Variants in NRG3 observed in about 807,000 individuals in gnomAD.
NRG3 encodes neuregulin 3, also known as pro-neuregulin-3, membrane-bound isoform.
Under a neutral mutation model 66.9 loss-of-function variants are expected in NRG3, and 31 were observed. The observed-to-expected ratio is 0.46, with a 90% CI of 0.35 to 0.63. The LOEUF (loss-of-function observed/expected upper bound fraction) is 0.63. NRG3 is among the 20% of genes least tolerant of loss of function. The pLI, the probability that NRG3 is intolerant of heterozygous loss-of-function variation, is 0.00. For synonymous variants in NRG3, 393 were observed against 359.4 expected, an observed-to-expected ratio of 1.09 and a Z score of -1.06; for missense variants, 910 against 878.9, an observed-to-expected ratio of 1.04 and a Z score of -0.45.
chr10:82,180,256 T>C (rs1486314602), intron 1 of NRG3, among the ~76,000 whole-genome samples: 1 of 151,880 alleles, frequency 6.6e-6, no homozygotes, highest in African/African-American at 2.4e-5. Flanking sequence ...GTTAAATTGC[T>C]CACACTAGAA....
intron 2 of NRG3, among the ~76,000 whole-genome samples, chr10:82,424,235 A>C (rs1325179207): frequency 1.3e-5 from 2 of 152,024 alleles, no homozygotes; most frequent in Non-Finnish European, 2.9e-5. Context: ...TCTGTTTTGC[A>C]AAGTGGCTCT....
chr10:82,614,447 T>C (rs906419633), intron 2 of NRG3, among the ~76,000 whole-genome samples: 9 of 152,216 alleles, frequency 5.9e-5, no homozygotes, highest in Admixed American at 3.3e-4. Context: ...AAAATGTTAA[T>C]ACATTGATTT....
intron 1 of NRG3, among the ~76,000 whole-genome samples, chr10:82,120,048 A>AATG (rs2067984986): frequency 6.6e-6 from 1 of 152,130 alleles, no homozygotes; most frequent in South Asian, 2.1e-4. Flanking sequence ...TTTTAATGTA[A>AATG]ATGAACGTAT....
At chr10:82,432,268 C>T (rs932938601) in intron 2 of NRG3, among the ~76,000 whole-genome samples, 5 of 152,016 alleles carry the variant, frequency 3.3e-5, no homozygotes, top group African/African-American at 4.8e-5. Flanking sequence ...TCATTCTTTC[C>T]TCCTCTCAAA....
intron 2 of NRG3, among the ~76,000 whole-genome samples, chr10:82,398,491 A>G (rs1017670566): frequency 4.3e-5 from 6 of 139,084 alleles, no homozygotes; most frequent in Non-Finnish European, 8.0e-5. Flanking sequence ...GGCTTCGTGT[A>G]TGTGTGTGTG....
chr10:82,680,486 A>C (rs1469014701), intron 2 of NRG3, among the ~76,000 whole-genome samples: 1 of 152,228 alleles, frequency 6.6e-6, no homozygotes, highest in Admixed American at 6.5e-5. Context: ...ACATGGACAC[A>C]TGCTTCTTCT....
At chr10:82,650,968 T>G (rs2133888291) in intron 2 of NRG3, among the ~76,000 whole-genome samples, 1 of 152,264 alleles carries the variant, frequency 6.6e-6, no homozygotes, top group Admixed American at 6.5e-5. Context: ...TTTCAGACAC[T>G]TAACACATTT....
chr10:82,574,834 G>A (rs1590728923), intron 2 of NRG3, among the ~76,000 whole-genome samples: 1 of 151,850 alleles, frequency 6.6e-6, no homozygotes, highest in East Asian at 1.9e-4. Context: ...GGCACAGAAG[G>A]ATGAATATCG....
At chr10:82,827,908 A>T (rs1169857183) in intron 3 of NRG3, among the ~76,000 whole-genome samples, 1 of 152,162 alleles carries the variant, frequency 6.6e-6, no homozygotes, top group Admixed American at 6.5e-5. Flanking sequence ...TGTGGCAACC[A>T]CTGTTAATAT....
At chr10:81,938,407 G>A (rs1406993797) in intron 1 of NRG3, among the ~76,000 whole-genome samples, 35 of 147,258 alleles carry the variant, frequency 2.4e-4, no homozygotes, top group African/African-American at 7.0e-4. Context: ...TTTTTTTCCA[G>A]CAATGTCTTA....
intron 2 of NRG3, among the ~76,000 whole-genome samples, chr10:82,432,523 A>C (rs932802650): frequency 6.7e-6 from 1 of 149,028 alleles, no homozygotes; most frequent in African/African-American, 2.5e-5. Flanking sequence ...AACAGGATAC[A>C]TGTGCAGATC....
chr10:82,160,795 G>C (rs1176329284), intron 1 of NRG3, among the ~76,000 whole-genome samples: 2 of 151,898 alleles, frequency 1.3e-5, no homozygotes, highest in African/African-American at 2.4e-5. Context: ...TGGTAGTAGG[G>C]AAACAAGTTC....
At chr10:81,876,516 T>C (rs1841669759) in intron 1 of NRG3, among the ~76,000 whole-genome samples, 1 of 151,782 alleles carries the variant, frequency 6.6e-6, no homozygotes, top group African/African-American at 2.4e-5. Flanking sequence ...CCCGCTCCAG[T>C]AGAGGGCCAG....
intron 3 of NRG3, among the ~76,000 whole-genome samples, chr10:82,861,798 C>T (rs1450068387): frequency 6.6e-6 from 1 of 152,200 alleles, no homozygotes; most frequent in Non-Finnish European, 1.5e-5. Context: ...CTGTGGTCCA[C>T]TGTTTGAGAT....
At chr10:82,803,210 A>G (rs2061125607) in intron 3 of NRG3, among the ~76,000 whole-genome samples, 1 of 152,172 alleles carries the variant, frequency 6.6e-6, no homozygotes, top group African/African-American at 2.4e-5. Flanking sequence ...ATGAGTGCAG[A>G]CCATTCAAGG....
chr10:82,031,200 A>G (rs575270103), intron 1 of NRG3, among the ~76,000 whole-genome samples: 2 of 152,258 alleles, frequency 1.3e-5, no homozygotes, highest in East Asian at 1.9e-4. Context: ...GGTTGTTTCA[A>G]CTGAGTGCAC....
At chr10:82,909,252 C>G (rs992754969) in intron 4 of NRG3, among the ~76,000 whole-genome samples, 1 of 152,164 alleles carries the variant, frequency 6.6e-6, no homozygotes, top group African/African-American at 2.4e-5. Flanking sequence ...CTAGAGATGA[C>G]CTTCAATGCA....
chr10:82,662,303 T>A (rs2052427359), intron 2 of NRG3, among the ~76,000 whole-genome samples: 1 of 151,850 alleles, frequency 6.6e-6, no homozygotes, highest in Admixed American at 6.6e-5. Context: ...CCAGGTATAA[T>A]CACACTCTGC....
At chr10:82,228,236 T>C (rs1206135839) in intron 1 of NRG3, among the ~76,000 whole-genome samples, 1 of 152,182 alleles carries the variant, frequency 6.6e-6, no homozygotes. Context: ...CAAGATAGTA[T>C]GAGTATATAT....
Sources: gnomAD v4.1 joint callset for allele counts (sites outside exome capture counted in the v4.1 genomes callset) on GRCh38, gnomAD v4.1.1 for gene constraint, MANE v1.5 for transcripts, NCBI Gene and HGNC (gene_info 2026-07-23, HGNC 2026-07-21) for gene names.